Variants in CADM2 observed in about 807,000 individuals in gnomAD.
CADM2 encodes cell adhesion molecule 2, also known as immunoglobulin superfamily member 4D.
Under a neutral mutation model 49.8 loss-of-function variants are expected in CADM2, and 12 were observed. The observed-to-expected ratio is 0.24, with a 90% CI of 0.15 to 0.39. The LOEUF is 0.39. CADM2 is among the 10% of genes least tolerant of loss of function. The pLI is 1.00. For missense variants in CADM2, 378 were observed against 492.3 expected (o/e 0.77, Z 2.20); for synonymous variants, 214 against 175.4 (o/e 1.22, Z -1.74).
At chr3:85,591,369 A>G (rs2063102740) in intron 1 of CADM2, among the ~76,000 whole-genome samples, 1 of 152,028 alleles carries the variant, frequency 6.6e-6, no homozygotes, top group African/African-American at 2.4e-5. Flanking sequence ...AGATGCTAAA[A>G]TAATTTACAT....
At chr3:85,555,467 T>C (rs1475617801) in intron 1 of CADM2, among the ~76,000 whole-genome samples, 1 of 152,186 alleles carries the variant, frequency 6.6e-6, no homozygotes, top group Non-Finnish European at 1.5e-5. Flanking sequence ...GTATTAATTG[T>C]ATTTCAGTGT....
chr3:85,979,524 T>G (rs1322811353), intron 8 of CADM2, among the ~76,000 whole-genome samples: 1 of 151,654 alleles, frequency 6.6e-6, no homozygotes, highest in African/African-American at 2.4e-5. Flanking sequence ...ATTTAAAATA[T>G]ATGGGACTTT....
intron 1 of CADM2, among the ~76,000 whole-genome samples, chr3:85,555,669 T>C (rs2061940844): frequency 6.6e-6 from 1 of 152,064 alleles, no homozygotes; most frequent in Admixed American, 6.6e-5. Flanking sequence ...ATATGAGACA[T>C]AAAAATACCC....
intron 1 of CADM2, among the ~76,000 whole-genome samples, chr3:85,689,373 A>G (rs952740773): frequency 1.3e-5 from 2 of 152,188 alleles, no homozygotes; most frequent in African/African-American, 4.8e-5. Context: ...AAATAATGAA[A>G]AGTTGGGACC....
intron 1 of CADM2, among the ~76,000 whole-genome samples, chr3:85,315,430 A>C (rs1297802710): frequency 6.6e-6 from 1 of 152,280 alleles, no homozygotes; most frequent in South Asian, 2.1e-4. Context: ...AAATTAGAAA[A>C]CCCAGTATAA....
chr3:85,965,421 T>G (rs1725356396), intron 8 of CADM2, among the ~76,000 whole-genome samples: 1 of 151,260 alleles, frequency 6.6e-6, no homozygotes, highest in Non-Finnish European at 1.5e-5. Flanking sequence ...TAGACTATTC[T>G]TACTCTTATA....
intron 1 of CADM2, among the ~76,000 whole-genome samples, chr3:85,099,658 CG>C (rs2037937692): frequency 6.6e-6 from 1 of 152,010 alleles, no homozygotes; most frequent in Non-Finnish European, 1.5e-5. Context: ...TTAGTGGAGA[CG>C]GGGTTTCACC....
intron 8 of CADM2, among the ~76,000 whole-genome samples, chr3:86,005,415 G>A (rs1178229950): frequency 6.6e-6 from 1 of 151,944 alleles, no homozygotes; most frequent in Non-Finnish European, 1.5e-5. Flanking sequence ...GCAGAGAGTG[G>A]TGACAGGCGC....
chr3:85,520,404 TATATTA>T (rs1282668305), intron 1 of CADM2, among the ~76,000 whole-genome samples: 1 of 152,010 alleles, frequency 6.6e-6, no homozygotes, highest in Non-Finnish European at 1.5e-5. Flanking sequence ...TATATCTAAA[TATATTA>T]ATATTTTAGT....
chr3:85,737,080 T>G (rs1484113640), intron 2 of CADM2, among the ~76,000 whole-genome samples: 2 of 152,218 alleles, frequency 1.3e-5, no homozygotes, highest in African/African-American at 2.4e-5. Context: ...CCATCAGTAC[T>G]GGAGACCAAC....
At chr3:85,825,732 T>G (rs952741278) in intron 3 of CADM2, among the ~76,000 whole-genome samples, 2 of 152,128 alleles carry the variant, frequency 1.3e-5, no homozygotes, top group African/African-American at 2.4e-5. Flanking sequence ...GTACCGATTT[T>G]TTAAAAATGT....
chr3:85,680,097 A>C (rs1300010733), intron 1 of CADM2, among the ~76,000 whole-genome samples: 1 of 152,060 alleles, frequency 6.6e-6, no homozygotes. Flanking sequence ...TAGGAGAATA[A>C]ATTTTTAAAA....
intron 3 of CADM2, among the ~76,000 whole-genome samples, chr3:85,880,139 G>A (rs1052613133): frequency 2.0e-5 from 3 of 152,050 alleles, no homozygotes; most frequent in Non-Finnish European, 2.9e-5. Context: ...CTTTGTGTGC[G>A]TTTCTTAGTG....
chr3:85,852,296 G>A (rs2075138563), intron 3 of CADM2, among the ~76,000 whole-genome samples: 1 of 152,104 alleles, frequency 6.6e-6, no homozygotes, highest in Non-Finnish European at 1.5e-5. Context: ...TTCCATGAAT[G>A]CATGAATTAA....
intron 1 of CADM2, among the ~76,000 whole-genome samples, chr3:85,406,279 C>T (rs1159114866): frequency 1.3e-5 from 2 of 151,938 alleles, no homozygotes; most frequent in South Asian, 2.1e-4. Context: ...ACCAGGAATT[C>T]GTTTGAAGAA....
chr3:85,591,012 A>G (rs781285733), intron 1 of CADM2, among the ~76,000 whole-genome samples: 1 of 151,432 alleles, frequency 6.6e-6, no homozygotes, highest in Non-Finnish European at 1.5e-5. Flanking sequence ...TCTGGTTTGC[A>G]GTATCTTTTG....
intron 1 of CADM2, among the ~76,000 whole-genome samples, chr3:85,270,407 C>T (rs1426626611): frequency 2.6e-5 from 4 of 151,326 alleles, no homozygotes; most frequent in Admixed American, 1.3e-4. Context: ...ATAGTCTAGA[C>T]ATTTTGTGTT....
At chr3:85,398,756 G>T (rs2034929998) in intron 1 of CADM2, among the ~76,000 whole-genome samples, 1 of 152,208 alleles carries the variant, frequency 6.6e-6, no homozygotes, top group African/African-American at 2.4e-5. Flanking sequence ...CTGATGGCCA[G>T]TGATGATGAG....
intron 1 of CADM2, among the ~76,000 whole-genome samples, chr3:85,689,076 A>G (rs145785538): frequency 2.6e-5 from 4 of 152,370 alleles, no homozygotes; most frequent in Admixed American, 6.5e-5. Flanking sequence ...ATGAAATACT[A>G]CTGAGCAATA....
Sources: gnomAD v4.1 joint callset for allele counts (sites outside exome capture counted in the v4.1 genomes callset) on GRCh38, gnomAD v4.1.1 for gene constraint, MANE v1.5 for transcripts, NCBI Gene and HGNC (gene_info 2026-07-23, HGNC 2026-07-21) for gene names.